CCDC178: variants seen among roughly 807,000 people sequenced by gnomAD.
The protein encoded by CCDC178 is coiled-coil domain containing 178.
A neutral mutation model predicts 117.4 loss-of-function variants in CCDC178; 126 were observed. The observed-to-expected ratio is 1.07, with a 90% CI of 0.93 to 1.24. The LOEUF (loss-of-function observed/expected upper bound fraction) is 1.24. Among genes scored for constraint, CCDC178 ranks in the 50% most tolerant of loss-of-function variants. CCDC178 has a pLI of 0.00. For missense variants in CCDC178, 1,030 were observed against 986.9 expected, an observed-to-expected ratio of 1.04 and a Z score of -0.59; for synonymous variants, 283 against 313.4, an observed-to-expected ratio of 0.90 and a Z score of 1.02.
chr18:32,951,000 T>G (rs12958538), intron 22 of CCDC178, among the ~76,000 whole-genome samples: 2 of 152,096 alleles, frequency 1.3e-5, no homozygotes, highest in Admixed American at 1.3e-4. Flanking sequence ...CATAATCCAC[T>G]ATACATTTCT....
intron 20 of CCDC178, among the ~76,000 whole-genome samples, chr18:33,199,791 C>T (rs1254356493): frequency 1.3e-5 from 2 of 152,058 alleles, no homozygotes; most frequent in Non-Finnish European, 2.9e-5. Context: ...TTTCTGCAAC[C>T]GTATTCTGTT....
chr18:33,210,732 A>G lies in CCDC178; in HGVS notation c.2238+1164T>C, dbSNP rs2059096805. On this transcript the variant is annotated intron_variant, in intron 20 of 22. Coordinates refer to ENST00000383096, the MANE Select transcript of CCDC178 (RefSeq NM_001105528.4). ...TTCGTAGCTCACACATCTGAAACTCAGCCATCGGTTTCAGCAACTGCTCTA... is the reference window on the plus strand; with the variant it reads ...TTCGTAGCTCACACATCTGAAACTCGGCCATCGGTTTCAGCAACTGCTCTA... 2.6e-5 allele frequency among the ~76,000 whole-genome samples: 4 copies of G among 152,172 alleles called. No individual in the cohort carries two copies. In the South Asian group the frequency reaches 8.3e-4, roughly 32 times the overall value.
intron 20 of CCDC178, among the ~76,000 whole-genome samples, chr18:33,177,268 C>T (rs1316057220): frequency 1.3e-5 from 2 of 152,070 alleles, no homozygotes; most frequent in South Asian, 2.1e-4. Flanking sequence ...CGTGGCTTAA[C>T]AGGTTGATAC....
intron 3 of CCDC178, among the ~76,000 whole-genome samples, chr18:33,406,719 T>G (rs1028010556): frequency 6.6e-6 from 1 of 152,042 alleles, no homozygotes; most frequent in African/African-American, 2.4e-5. Context: ...TCAAAACCAA[T>G]TAAATCTAAA....
At chr18:32,991,119 G>T (rs1440451692) in intron 21 of CCDC178, among the ~76,000 whole-genome samples, 3 of 150,558 alleles carry the variant, frequency 2.0e-5, no homozygotes, top group African/African-American at 4.9e-5. Context: ...ATAAAATGGG[G>T]GCTATTATCA....
Position 33,266,838 on chromosome 18 carries a change from G to A in CCDC178, c.1409+78C>T, listed in dbSNP as rs1028527174. On this transcript the variant is annotated intron_variant, in intron 14 of 22. Transcript: ENST00000383096. ...CAAAAACACCACCATATAACTCCAG[G>A]GACACAAACTGGAGAGGTTTATTGT... 4.6e-6 allele frequency: 6 copies of A among 1,292,850 alleles called. No individual in the cohort carries two copies. In the African/African-American group the frequency reaches 6.0e-5, roughly 13 times the overall value. 80.1% of individuals were successfully genotyped at this position (1,292,850 alleles called of 1,614,324 possible). A position where few individuals can be genotyped will look rare whatever the true frequency, so the allele number is the denominator to read the frequency against.
chr18:33,077,526 C>A (rs994783925), intron 21 of CCDC178, among the ~76,000 whole-genome samples: 1 of 151,838 alleles, frequency 6.6e-6, no homozygotes, highest in Non-Finnish European at 1.5e-5. Context: ...TATAGATAGG[C>A]CACTAGCTGG....
rs542175047 is a variant in CCDC178 at position 33,253,248 on chromosome 18, G to A, written c.1410-7820C>T. On this transcript the variant is annotated intron_variant, in intron 14 of 22. Transcript: ENST00000383096. ...CTGAACAAAGTCTGTTAACAAATAT[G>A]GCATCTGTGTTTTAACGTTGGCATT... Among the ~76,000 whole-genome samples, 202 of 151,886 alleles carry A rather than the reference G, an allele frequency of 1.3e-3. 1 individual carries two copies. Among genetic ancestry groups the A allele is most frequent in the African/African-American group, 4.6e-3 (192 of 41,516 alleles).
intron 20 of CCDC178, among the ~76,000 whole-genome samples, chr18:33,200,433 C>T (rs1007478698): frequency 6.6e-6 from 1 of 152,116 alleles, no homozygotes; most frequent in African/African-American, 2.4e-5. Flanking sequence ...GGAAGTGTAG[C>T]TTTGTTACCC....
At chr18:33,154,157 T>C (rs1344815234) in intron 20 of CCDC178, among the ~76,000 whole-genome samples, 1 of 152,128 alleles carries the variant, frequency 6.6e-6, no homozygotes, top group Non-Finnish European at 1.5e-5. Flanking sequence ...ACAAAATATA[T>C]GAAGGCACTG....
chr18:33,270,431 T>G (rs2059873345), intron 12 of CCDC178, among the ~76,000 whole-genome samples: 1 of 151,438 alleles, frequency 6.6e-6, no homozygotes, highest in Admixed American at 6.6e-5. Flanking sequence ...AGATATATAC[T>G]CGAGATACAT....
chr18:32,965,208 C>T lies in CCDC178; in HGVS notation c.2523+9339G>A, dbSNP rs540009455. Among the ~76,000 whole-genome samples, 8 of 152,052 alleles carry T rather than the reference C, an allele frequency of 5.3e-5. No homozygotes were observed. In the East Asian group the frequency reaches 1.2e-3, roughly 22 times the overall value. ...GCCACACAGATCACAAATCCTACTT[C>T]GTTTCCAAAAATTCTGTGTCAGTAA... On this transcript the variant is annotated intron_variant, in intron 22 of 22. Transcript: ENST00000383096.
At chr18:33,063,069 C>G (rs2056952641) in intron 21 of CCDC178, among the ~76,000 whole-genome samples, 1 of 152,158 alleles carries the variant, frequency 6.6e-6, no homozygotes, top group Non-Finnish European at 1.5e-5. Context: ...GCAGGCACAT[C>G]TGCATGCACT....
intron 21 of CCDC178, among the ~76,000 whole-genome samples, chr18:33,076,508 C>T (rs376692727): frequency 1.3e-5 from 2 of 152,146 alleles, no homozygotes; most frequent in African/African-American, 4.8e-5. Flanking sequence ...ATCAGCACTC[C>T]GTATCTTCAT....
rs779776918 is a variant in CCDC178 at position 32,974,725 on chromosome 18, G to A, written c.2389-44C>T. 2.5e-6 allele frequency: 4 copies of A among 1,594,886 alleles called. No homozygotes were observed. The African/African-American group carries it at 4.0e-5, about 16-fold the overall frequency. The stretch of plus-strand genomic sequence containing the variant: ...GGAGAAAACACAAGTCAGAGGAGGA[G>A]AGGAAATTAATGGCAGTGTTCAAGA... On this transcript the variant is annotated intron_variant, in intron 21 of 22. Coordinates refer to ENST00000383096, the MANE Select transcript of CCDC178 (RefSeq NM_001105528.4).
rs1475779502 is a variant in CCDC178 at position 33,096,281 on chromosome 18, GTAAAAATATAAAATA to G, written c.2239-3386_2239-3372del. 4.3e-5 allele frequency among the ~76,000 whole-genome samples: 6 copies of G among 138,370 alleles called. No individual in the cohort carries two copies. In the East Asian group the frequency reaches 6.4e-4, roughly 15 times the overall value. 90.8% of individuals were successfully genotyped at this position (138,370 alleles called of 152,430 possible). A position where few individuals can be genotyped will look rare whatever the true frequency, so the allele number is the denominator to read the frequency against. On this transcript the variant is annotated intron_variant, in intron 20 of 22. Coordinates refer to ENST00000383096, the MANE Select transcript of CCDC178 (RefSeq NM_001105528.4). ...AACTGGTTCTTTTTGGGAAAAAAAT[GTAAAAATATAAAATA>G]TAAAAATATAAAATTTTTATATTTT...
At chr18:33,018,191 A>C (rs2056034921) in intron 21 of CCDC178, among the ~76,000 whole-genome samples, 1 of 152,070 alleles carries the variant, frequency 6.6e-6, no homozygotes, top group Non-Finnish European at 1.5e-5. Context: ...GATGCTAAAC[A>C]TTATTAGTCA....
chr18:33,058,865 T>C (rs1489056509), intron 21 of CCDC178, among the ~76,000 whole-genome samples: 1 of 152,210 alleles, frequency 6.6e-6, no homozygotes, highest in Non-Finnish European at 1.5e-5. Context: ...ATGGATATAG[T>C]AATAATTTAT....
chr18:33,212,002 TCAAA>T lies in CCDC178; in HGVS notation c.2128_2131del (p.Phe710IlefsTer27), dbSNP rs1390336905. 9.3e-6 allele frequency: 15 copies of T among 1,606,938 alleles called. No homozygotes were observed. The highest frequency in any genetic ancestry group is 3.4e-6 in the Non-Finnish European group (4 of 1,176,736). On this transcript the variant is annotated frameshift_variant, in exon 20 of 23. Transcript: ENST00000383096. LOFTEE classifies it high-confidence loss of function. ...GTCTTTTTTCTCTTGCATATAATGA[TCAAA>T]CACAGTTTGTGCATGTTCCCTTTTA...
Sources: allele counts gnomAD v4.1 joint callset (sites outside exome capture counted in the v4.1 genomes callset), GRCh38; gene constraint gnomAD v4.1.1; transcripts MANE v1.5; gene names NCBI Gene and HGNC (gene_info 2026-07-23, HGNC 2026-07-21).